FAM171B: variants seen among roughly 807,000 people sequenced by gnomAD.
FAM171B encodes the protein protein FAM171B.
Under a neutral mutation model 75.6 loss-of-function variants are expected in FAM171B, and 19 were observed. The observed-to-expected ratio is 0.25, with a 90% CI of 0.18 to 0.37. The LOEUF is 0.37. FAM171B is among the 10% of genes least tolerant of loss of function. FAM171B has a pLI of 1.00. For synonymous variants in FAM171B, 367 were observed against 361.7 expected (o/e 1.01, Z -0.17); for missense variants, 848 against 982.4 (o/e 0.86, Z 1.83).
intron 1 of FAM171B, 138 bp downstream of exon 1, chr2:186,694,549 G>C (rs555146089): frequency 1.6e-6 from 2 of 1,251,660 alleles, no homozygotes; most frequent in East Asian, 5.2e-5. Flanking sequence ...TCTCTCCCCA[G>C]ACTGGCTGCC....
chr2:186,704,368 G>A (rs1219313576), intron 1 of FAM171B, among the ~76,000 whole-genome samples: 2 of 152,012 alleles, frequency 1.3e-5, no homozygotes, highest in Non-Finnish European at 2.9e-5. Flanking sequence ...CCCTTCCCGG[G>A]TTATACTAAT....
At position 186,740,444 on chromosome 2, in the gene FAM171B, A is replaced by T. The variant is rs762053639; in HGVS notation, c.455A>T (p.Lys152Ile). 5.0e-6 allele frequency: 8 copies of T among 1,610,090 alleles called. No individual in the cohort carries two copies. The highest frequency in any genetic ancestry group is 3.4e-6 in the Non-Finnish European group (4 of 1,177,682). The change falls in exon 2 of 8, where the codon AAA becomes ATA. Residue 152 changes from lysine (K) to isoleucine (I), a missense_variant. Coordinates refer to ENST00000304698, the MANE Select transcript of FAM171B (RefSeq NM_177454.4). Reference protein sequence around the residue: ...DGYVLTPLPWKTRRMPIYSSV... With the variant: ...DGYVLTPLPWITRRMPIYSSV... Reference sequence around the variant, plus strand: ...TACGTGTTGACCCCTCTGCCTTGGAAAACCAGAAGAATGCCAAGTAAGCAC... The same window carrying T: ...TACGTGTTGACCCCTCTGCCTTGGATAACCAGAAGAATGCCAAGTAAGCAC...
intron 1 of FAM171B, among the ~76,000 whole-genome samples, chr2:186,723,491 A>G (rs567846829): frequency 6.6e-6 from 1 of 152,034 alleles, no homozygotes; most frequent in South Asian, 2.1e-4. Flanking sequence ...ATTTATTCTC[A>G]TTTTTATTGC....
intron 2 of FAM171B, among the ~76,000 whole-genome samples, chr2:186,741,341 A>G (rs191284637): frequency 5.9e-5 from 9 of 152,242 alleles, no homozygotes; most frequent in Admixed American, 1.3e-4. Flanking sequence ...GCAATAAAAG[A>G]TGCCATAAGC....
rs1402220167 is a variant in FAM171B, at chr2:186,765,123, C to T, written c.*2300C>T. ...TTTTCTAATGATCAAAAGAGTGTGA[C>T]TTCTCATTTGTGAGTAGTTCACAAA... On this transcript the variant is annotated 3_prime_UTR_variant, in exon 8 of 8. Transcript: ENST00000304698. The T allele has an allele frequency of 6.6e-6, 1 of 151,910 alleles. No individual in the cohort carries two copies. The highest frequency in any genetic ancestry group is 1.5e-5 in the Non-Finnish European group (1 of 67,896). 9.4% of individuals were successfully genotyped at this position (151,910 alleles called of 1,614,324 possible).
chr2:186,741,889 T>G (rs553649333), intron 2 of FAM171B, among the ~76,000 whole-genome samples: 2 of 152,058 alleles, frequency 1.3e-5, no homozygotes, highest in African/African-American at 4.8e-5. Flanking sequence ...TGATGCAATA[T>G]TTTTGTAATA....
rs530855019 is a variant in FAM171B, at chr2:186,728,502, C to T, written c.239-11726C>T. ...AATGGATTCATGTAAATGAACATTTCTATTGTTTCCAACCAACTATTTTAT... is the reference window on the plus strand; with the variant it reads ...AATGGATTCATGTAAATGAACATTTTTATTGTTTCCAACCAACTATTTTAT... On this transcript the variant is annotated intron_variant, in intron 1 of 7. Coordinates refer to ENST00000304698, the MANE Select transcript of FAM171B (RefSeq NM_177454.4). Among the ~76,000 whole-genome samples the T allele has an allele frequency of 7.3e-4, 111 of 152,242 alleles. 1 individual carries two copies. Among genetic ancestry groups the T allele is most frequent in the South Asian group, 4.1e-3 (20 of 4,824 alleles).
intron 1 of FAM171B, 25 bp downstream of exon 1, chr2:186,694,436 T>C (rs1367737005): frequency 1.3e-6 from 2 of 1,595,888 alleles, no homozygotes; most frequent in Non-Finnish European, 1.7e-6. Context: ...CCCAGCCCGG[T>C]CTTTCAGTCT....
chr2:186,719,590 A>C (rs552175285), intron 1 of FAM171B, among the ~76,000 whole-genome samples: 1 of 152,350 alleles, frequency 6.6e-6, no homozygotes, highest in South Asian at 2.1e-4. Context: ...AATGAAAGCT[A>C]AGTTAACGGA....
chr2:186,762,052 T>C lies in FAM171B; in HGVS notation c.1710T>C (p.Tyr570=). The change falls in exon 8 of 8, where the codon TAT becomes TAC. Residue 570 remains tyrosine (Y), a synonymous_variant. Transcript: ENST00000304698. The surrounding 1 kb of genome is among the most constrained non-coding windows in gnomAD (Gnocchi z 4.0). The stretch of plus-strand genomic sequence containing the variant: ...TGCCAAGAAAGGGACAGTTAGTCTA[T>C]GGCCAATTGATGGAACCAGTAAATC... ...ATLPRKGQLV[Y]GQLMEPVNRE... 2 of 1,613,750 alleles carry C rather than the reference T, an allele frequency of 1.2e-6. No homozygotes were observed. Among genetic ancestry groups the C allele is most frequent in the Non-Finnish European group, 1.7e-6 (2 of 1,179,828 alleles).
At chr2:186,741,829 G>T (rs115975784) in intron 2 of FAM171B, among the ~76,000 whole-genome samples, 9,844 of 152,082 alleles carry the variant, frequency 0.065, 418 homozygotes, top group South Asian at 0.11. Flanking sequence ...ACAAATAAAC[G>T]TATGTTAAAA....
intron 1 of FAM171B, among the ~76,000 whole-genome samples, chr2:186,722,360 T>C (rs1689968057): frequency 6.6e-6 from 1 of 152,176 alleles, no homozygotes; most frequent in Non-Finnish European, 1.5e-5. Context: ...GTATACATTC[T>C]AAGAAAAGAT....
At chr2:186,759,625 TTTG>T (rs1313557222) in intron 6 of FAM171B, among the ~76,000 whole-genome samples, 1 of 152,100 alleles carries the variant, frequency 6.6e-6, no homozygotes, top group Non-Finnish European at 1.5e-5. Flanking sequence ...CTGTTTGCCA[TTTG>T]TTTGTCTTTT....
chr2:186,729,322 A>G (rs1690078605), intron 1 of FAM171B, among the ~76,000 whole-genome samples: 1 of 149,998 alleles, frequency 6.7e-6, no homozygotes, highest in Non-Finnish European at 1.5e-5. Flanking sequence ...GAAAATAAAT[A>G]TGCTCATTGA....
At position 186,742,096 on chromosome 2, in the gene FAM171B, A is replaced by T. The variant is rs79821490; in HGVS notation, c.473-1387A>T. 2.1e-4 allele frequency among the ~76,000 whole-genome samples: 32 copies of T among 152,280 alleles called. No homozygotes were observed. In the East Asian group the frequency reaches 5.8e-3, roughly 27 times the overall value. On this transcript the variant is annotated intron_variant, in intron 2 of 7. Coordinates refer to ENST00000304698, the MANE Select transcript of FAM171B (RefSeq NM_177454.4). ...TCATAATTCACTATTTTAAAAAATC[A>T]CAGGAATACCCAACAAAGAGCTATA...
At position 186,738,654 on chromosome 2, in the gene FAM171B, T is replaced by C. The variant is rs577363924; in HGVS notation, c.239-1574T>C. On this transcript the variant is annotated intron_variant, in intron 1 of 7. Transcript: ENST00000304698. Reference sequence around the variant, plus strand: ...CTTTCTTTGGCTTGAAGGTTGGCACTGAAAGGGAACCCATTTTTGACTGTC... The same window carrying C: ...CTTTCTTTGGCTTGAAGGTTGGCACCGAAAGGGAACCCATTTTTGACTGTC... Among the ~76,000 whole-genome samples the C allele has an allele frequency of 3.3e-5, 5 of 152,276 alleles. No homozygotes were observed. The East Asian group carries it at 9.7e-4, about 30-fold the overall frequency.
Position 186,761,865 on chromosome 2 carries a change from C to G in FAM171B, c.1523C>G (p.Ala508Gly). The stretch of plus-strand genomic sequence containing the variant: ...AATCTATCTTCATCTCTAGGTGATG[C>G]TCAAGATGAAAAGAGGTATCTCACA... ...NNNLSSSLGD[A>G]QDEKRYLTGN... is the part of the protein sequence containing the mutation. Residue 508 changes from alanine to glycine, a missense_variant, in exon 8 of 8, where the codon GCT becomes GGT. Transcript: ENST00000304698. The G allele has an allele frequency of 6.2e-7, 1 of 1,613,180 alleles. No individual in the cohort carries two copies. Among genetic ancestry groups the G allele is most frequent in the Non-Finnish European group, 8.5e-7 (1 of 1,179,732 alleles).
intron 1 of FAM171B, among the ~76,000 whole-genome samples, chr2:186,739,735 G>T (rs1173336900): frequency 2.6e-5 from 4 of 152,030 alleles, no homozygotes; most frequent in East Asian, 1.9e-4. Context: ...TTTTATTTTT[G>T]TATGTAGAAG....
At chr2:186,728,603 C>A (rs1302209430) in intron 1 of FAM171B, among the ~76,000 whole-genome samples, 1 of 152,106 alleles carries the variant, frequency 6.6e-6, no homozygotes, top group Admixed American at 6.5e-5. Context: ...TTGAATTTAT[C>A]CCATTAAAAT....
Sources: gnomAD v4.1 joint callset for allele counts (sites outside exome capture counted in the v4.1 genomes callset) on GRCh38, gnomAD v4.1.1 for gene constraint, Gnocchi (gnomAD v3.1) non-coding constraint, MANE v1.5 for transcripts, NCBI Gene and HGNC (gene_info 2026-07-23, HGNC 2026-07-21) for gene names.